The following GALNTL6 variants were observed in gnomAD, a reference collection of about 807,000 sequenced individuals.
GALNTL6 encodes polypeptide N-acetylgalactosaminyltransferase-like 6.
Under a neutral mutation model 73.7 loss-of-function variants are expected in GALNTL6, and 46 were observed. That is an observed-to-expected ratio of 0.62 (90% CI 0.49 to 0.80). The LOEUF (loss-of-function observed/expected upper bound fraction) is 0.80, where lower values mean the gene tolerates loss of function less well. Ranked by LOEUF, GALNTL6 falls within the 30% of genes least tolerant of loss-of-function variation. The pLI is 0.00. For synonymous variants in GALNTL6, 259 were observed against 263.7 expected, an observed-to-expected ratio of 0.98 and a Z score of 0.17; for missense variants, 604 against 755.0, an observed-to-expected ratio of 0.80 and a Z score of 2.34.
At chr4:172,227,802 T>C (rs892928320) in intron 2 of GALNTL6, among the ~76,000 whole-genome samples, 2 of 152,166 alleles carry the variant, frequency 1.3e-5, no homozygotes, top group Non-Finnish European at 2.9e-5. Flanking sequence ...TTACTACTTA[T>C]TAAGAATTCG....
At chr4:171,989,331 T>G (rs1015879566) in intron 2 of GALNTL6, among the ~76,000 whole-genome samples, 3 of 152,268 alleles carry the variant, frequency 2.0e-5, no homozygotes, top group African/African-American at 7.2e-5. Flanking sequence ...AAGGAGTCAG[T>G]CAGAGAGCCT....
chr4:172,528,971 GTA>G (rs1470561645), intron 5 of GALNTL6, among the ~76,000 whole-genome samples: 6 of 5,256 alleles, frequency 1.1e-3, no homozygotes, highest in East Asian at 0.012. Context: ...ATATGTGTGT[GTA>G]TATTTATACA....
At chr4:171,917,011 A>G (rs1444801351) in intron 2 of GALNTL6, among the ~76,000 whole-genome samples, 2 of 152,098 alleles carry the variant, frequency 1.3e-5, no homozygotes, top group African/African-American at 4.8e-5. Context: ...GTGAGAAAAA[A>G]TAAATACAAC....
chr4:172,353,182 T>C (rs1439908681), intron 5 of GALNTL6, among the ~76,000 whole-genome samples: 1 of 152,148 alleles, frequency 6.6e-6, no homozygotes, highest in African/African-American at 2.4e-5. Context: ...GGCTCACACC[T>C]GTAATCCCAG....
chr4:171,908,972 C>A (rs1179756071), intron 2 of GALNTL6, among the ~76,000 whole-genome samples: 2 of 123,028 alleles, frequency 1.6e-5, no homozygotes, highest in Non-Finnish European at 3.1e-5. Context: ...GGAAGGGGAA[C>A]ATCACACTCT....
chr4:172,371,456 A>G (rs920880364), intron 5 of GALNTL6, among the ~76,000 whole-genome samples: 1 of 152,236 alleles, frequency 6.6e-6, no homozygotes, highest in Non-Finnish European at 1.5e-5. Context: ...TCAATTATCA[A>G]TTATAGGTTT....
intron 7 of GALNTL6, among the ~76,000 whole-genome samples, chr4:172,845,039 C>T (rs1012665638): frequency 6.6e-6 from 1 of 151,774 alleles, no homozygotes; most frequent in Non-Finnish European, 1.5e-5. Context: ...CATGGTGAAA[C>T]CCCATCTCTA....
chr4:172,033,688 G>A (rs1292506910), intron 2 of GALNTL6, among the ~76,000 whole-genome samples: 2 of 152,084 alleles, frequency 1.3e-5, no homozygotes, highest in Non-Finnish European at 2.9e-5. Context: ...AATTGTCCAT[G>A]AATAAATTTG....
intron 2 of GALNTL6, among the ~76,000 whole-genome samples, chr4:172,157,913 G>A (rs150168392): frequency 1.6e-3 from 248 of 152,182 alleles, no homozygotes; most frequent in African/African-American, 5.4e-3. Context: ...AATTAATTGA[G>A]CATATTGTGG....
intron 2 of GALNTL6, among the ~76,000 whole-genome samples, chr4:171,950,423 T>C (rs1210440040): frequency 1.3e-5 from 2 of 150,848 alleles, no homozygotes; most frequent in Non-Finnish European, 3.0e-5. Flanking sequence ...GTGGAGTTAA[T>C]AAAGAACTGA....
intron 2 of GALNTL6, among the ~76,000 whole-genome samples, chr4:172,097,911 T>C (rs952608928): frequency 7.9e-5 from 12 of 151,818 alleles, no homozygotes; most frequent in East Asian, 1.9e-4. Context: ...AAAGGTGGCA[T>C]TGTGAGAAAA....
intron 2 of GALNTL6, among the ~76,000 whole-genome samples, chr4:172,168,919 C>T (rs1353728102): frequency 1.3e-5 from 2 of 152,022 alleles, no homozygotes; most frequent in Non-Finnish European, 2.9e-5. Context: ...TATCATACCC[C>T]AAACATCATG....
At chr4:172,495,558 T>G (rs1734043987) in intron 5 of GALNTL6, among the ~76,000 whole-genome samples, 1 of 152,156 alleles carries the variant, frequency 6.6e-6, no homozygotes, top group African/African-American at 2.4e-5. Flanking sequence ...CAGAGGACAA[T>G]GGTGTCCTGT....
intron 5 of GALNTL6, among the ~76,000 whole-genome samples, chr4:172,692,111 CA>C (rs1181731844): frequency 6.6e-6 from 1 of 151,752 alleles, no homozygotes; most frequent in East Asian, 1.9e-4. Flanking sequence ...AAAAAAAGAC[CA>C]AAAAAACCTT....
intron 7 of GALNTL6, among the ~76,000 whole-genome samples, chr4:172,828,350 A>G (rs1327008027): frequency 2.6e-5 from 4 of 151,882 alleles, no homozygotes; most frequent in African/African-American, 7.3e-5. Context: ...TATTTTGTCA[A>G]TTGCTTTCCC....
intron 5 of GALNTL6, among the ~76,000 whole-genome samples, chr4:172,489,845 A>T (rs1733834393): frequency 6.6e-6 from 1 of 152,244 alleles, no homozygotes; most frequent in Non-Finnish European, 1.5e-5. Flanking sequence ...TCATTAAATA[A>T]TATAGTAATT....
intron 2 of GALNTL6, among the ~76,000 whole-genome samples, chr4:171,877,603 T>A (rs1231944516): frequency 6.6e-6 from 1 of 151,748 alleles, no homozygotes; most frequent in Non-Finnish European, 1.5e-5. Flanking sequence ...GTAGGAGCAC[T>A]CAAAATTACC....
chr4:172,369,372 A>C (rs570960211), intron 5 of GALNTL6, among the ~76,000 whole-genome samples: 1 of 152,292 alleles, frequency 6.6e-6, no homozygotes, highest in African/African-American at 2.4e-5. Flanking sequence ...GCTAGACATA[A>C]AAGTTCTCAA....
chr4:172,702,821 T>A (rs1336866874), intron 5 of GALNTL6, among the ~76,000 whole-genome samples: 1 of 131,454 alleles, frequency 7.6e-6, no homozygotes, highest in African/African-American at 3.0e-5. Context: ...TAAGACACTT[T>A]ATAGTTTTTT....
Sources: gnomAD v4.1 joint callset for allele counts (sites outside exome capture counted in the v4.1 genomes callset) on GRCh38, gnomAD v4.1.1 for gene constraint, MANE v1.5 for transcripts, NCBI Gene and HGNC (gene_info 2026-07-23, HGNC 2026-07-21) for gene names.